CACNA1C: variants seen among roughly 807,000 people sequenced by gnomAD.
CACNA1C encodes calcium voltage-gated channel subunit alpha1 C.
Under a neutral mutation model 229.0 loss-of-function variants are expected in CACNA1C, and 30 were observed. The ratio of observed to expected loss-of-function variants is 0.13; its 90% confidence interval spans 0.10 to 0.18. The LOEUF (loss-of-function observed/expected upper bound fraction) is 0.18, where lower values mean the gene tolerates loss of function less well. Among genes scored for constraint, CACNA1C ranks in the 10% least tolerant of loss-of-function variants. The pLI is 1.00. For missense variants in CACNA1C, 1,658 were observed against 2,845.0 expected, an observed-to-expected ratio of 0.58 and a Z score of 9.49; for synonymous variants, 1,114 against 1,132.5, an observed-to-expected ratio of 0.98 and a Z score of 0.33.
chr12:2,461,587 C>T lies in CACNA1C; in HGVS notation c.757+3881C>T, dbSNP rs370344402. Reference sequence around the variant, plus strand: ...GACTTGTATCCCTACCTGCCGACTCCGTTCCTCTCCTGTCTGAATAGATAA... The same window carrying T: ...GACTTGTATCCCTACCTGCCGACTCTGTTCCTCTCCTGTCTGAATAGATAA... On this transcript the variant is annotated intron_variant, in intron 5 of 46. Coordinates refer to ENST00000399655, the MANE Select transcript of CACNA1C (RefSeq NM_000719.7). Among the ~76,000 whole-genome samples, 12 of 152,170 alleles carry T rather than the reference C, an allele frequency of 7.9e-5. No homozygotes were observed. The East Asian group carries it at 1.2e-3, about 15-fold the overall frequency.
chr12:2,666,636 A>G lies in CACNA1C; in HGVS notation c.4527-50A>G. 8.0e-7 allele frequency: 1 copy of G among 1,250,248 alleles called. No homozygotes were observed. Among genetic ancestry groups the G allele is most frequent in the East Asian group, 2.5e-5 (1 of 39,684 alleles). 77.4% of individuals were successfully genotyped at this position (1,250,248 alleles called of 1,614,324 possible). A position where few individuals can be genotyped will look rare whatever the true frequency, so the allele number is the denominator to read the frequency against. On this transcript the variant is annotated intron_variant, in intron 36 of 46. Coordinates refer to ENST00000399655, the MANE Select transcript of CACNA1C (RefSeq NM_000719.7). This position sits in a 1 kb window ranked among gnomAD's most constrained non-coding sequence, Gnocchi z 5.3. The stretch of plus-strand genomic sequence containing the variant: ...GGCGCATGCGTCCTGGGCTGCTGGC[A>G]GAGACCGTGGCTCTCTGATGCCCTG...
intron 3 of CACNA1C, among the ~76,000 whole-genome samples, chr12:2,273,113 C>T (rs1601676426): frequency 6.6e-6 from 1 of 152,254 alleles, no homozygotes; most frequent in East Asian, 1.9e-4. Context: ...CTCCCCAACC[C>T]CTTGGATACC....
At position 2,165,602 on chromosome 12, in the gene CACNA1C, C is replaced by T. The variant is rs112339784; in HGVS notation, c.477+45172C>T. Among the ~76,000 whole-genome samples the T allele has an allele frequency of 1.0e-3, 157 of 151,928 alleles. 1 individual carries two copies. The highest frequency in any genetic ancestry group is 3.6e-3 in the African/African-American group (148 of 41,184). On this transcript the variant is annotated intron_variant, in intron 3 of 46. Transcript: ENST00000399655. Reference sequence around the variant, plus strand: ...GAGTGGTAGATGGCGGGATGAACATCGCCCAGCTTTAGACAGTGAAACCTG... The same window carrying T: ...GAGTGGTAGATGGCGGGATGAACATTGCCCAGCTTTAGACAGTGAAACCTG...
At chr12:2,256,315 G>T (rs1167940729) in intron 3 of CACNA1C, among the ~76,000 whole-genome samples, 2 of 152,190 alleles carry the variant, frequency 1.3e-5, no homozygotes, top group African/African-American at 4.8e-5. Context: ...GTCACCTTGG[G>T]CACATTGGTG....
At chr12:2,135,079 T>C (rs1781605315) in intron 3 of CACNA1C, among the ~76,000 whole-genome samples, 1 of 147,690 alleles carries the variant, frequency 6.8e-6, no homozygotes, top group African/African-American at 2.6e-5. Flanking sequence ...GCTGACACCC[T>C]TTCTTCCAGT....
At chr12:2,210,263 G>C (rs2097879784) in intron 3 of CACNA1C, among the ~76,000 whole-genome samples, 1 of 152,198 alleles carries the variant, frequency 6.6e-6, no homozygotes, top group Admixed American at 6.5e-5. Flanking sequence ...AGTTTCATTA[G>C]GGTCACAGAC....
chr12:2,450,533 A>G (rs12227433), intron 4 of CACNA1C, among the ~76,000 whole-genome samples: 25,133 of 130,042 alleles, frequency 0.19, 3,829 homozygotes, highest in African/African-American at 0.42. Flanking sequence ...CAGCCTGGGC[A>G]ACAGAGCGAG....
intron 4 of CACNA1C, among the ~76,000 whole-genome samples, chr12:2,450,708 C>T (rs943161275): frequency 6.6e-6 from 1 of 152,098 alleles, no homozygotes; most frequent in Non-Finnish European, 1.5e-5. Context: ...AGTGAGTGCT[C>T]AAGTGGCTGC....
At chr12:2,139,140 C>T (rs1029132946) in intron 3 of CACNA1C, among the ~76,000 whole-genome samples, 1 of 151,114 alleles carries the variant, frequency 6.6e-6, no homozygotes, top group Non-Finnish European at 1.5e-5. Context: ...AGCATTGGTT[C>T]CTCTGGGCAC....
chr12:2,400,248 A>G (rs560741310), intron 3 of CACNA1C, among the ~76,000 whole-genome samples: 65 of 152,322 alleles, frequency 4.3e-4, no homozygotes, highest in African/African-American at 1.5e-3. Flanking sequence ...GTGGAGCTCT[A>G]GAAACCAGGT....
intron 20 of CACNA1C, chr12:2,596,356 G>C (rs1369469538): frequency 5.1e-6 from 1 of 194,668 alleles, no homozygotes; most frequent in Non-Finnish European, 1.0e-5. Flanking sequence ...ACCAGAAGGG[G>C]AGCATTGGCA....
chr12:2,185,926 T>C (rs995161061), intron 3 of CACNA1C, among the ~76,000 whole-genome samples: 1 of 152,194 alleles, frequency 6.6e-6, no homozygotes, highest in African/African-American at 2.4e-5. Context: ...TCTCTGTGGC[T>C]GTCCCGTGCC....
Position 2,679,203 on chromosome 12 carries a change from C to T in CACNA1C, c.5092-241C>T, listed in dbSNP as rs1358227878. On this transcript the variant is annotated intron_variant, in intron 41 of 46. Coordinates refer to ENST00000399655, the MANE Select transcript of CACNA1C (RefSeq NM_000719.7). This position sits in a 1 kb window ranked among gnomAD's most constrained non-coding sequence, Gnocchi z 5.5. ...TCCCATCCCCACTGGTGGGTGGGTT[C>T]TCCCAGCTGCTGCAGAGGGGAGTCC... 6.6e-6 allele frequency among the ~76,000 whole-genome samples: 1 copy of T among 152,220 alleles called. No individual in the cohort carries two copies. The highest frequency in any genetic ancestry group is 1.5e-5 in the Non-Finnish European group (1 of 68,028).
intron 7 of CACNA1C, among the ~76,000 whole-genome samples, chr12:2,501,230 A>AAAAAAAAAAAAAAAAAAAC (rs2099759379): frequency 6.6e-6 from 1 of 150,968 alleles, no homozygotes; most frequent in East Asian, 1.9e-4. Context: ...AAAAAAAAAA[A>AAAAAAAAAAAAAAAAAAAC]AAAAGTAAAG....
Position 2,685,748 on chromosome 12 carries a change from G to A in CACNA1C, c.5586G>A (p.Gln1862=). The A allele has an allele frequency of 1.2e-6, 2 of 1,613,530 alleles. No individual in the cohort carries two copies. Among genetic ancestry groups the A allele is most frequent in the Non-Finnish European group, 1.7e-6 (2 of 1,179,474 alleles). Residue 1862 remains glutamine, a synonymous_variant, in exon 44 of 47, where the codon CAG becomes CAA. Transcript: ENST00000399655. ...SLLSTEMLSY[Q]DDENRQLTLP... ...CTCTCTGTTCCAGGCTCTCCTACCA[G>A]GATGACGAAAATCGGCAACTGACGC...
chr12:2,190,465 G>C (rs909650184), intron 3 of CACNA1C, among the ~76,000 whole-genome samples: 1 of 152,096 alleles, frequency 6.6e-6, no homozygotes, highest in African/African-American at 2.4e-5. Flanking sequence ...TTTTTTCAGG[G>C]TATCGTAGAC....
At chr12:2,532,621 A>G (rs1599100465) in intron 9 of CACNA1C, among the ~76,000 whole-genome samples, 1 of 152,116 alleles carries the variant, frequency 6.6e-6, no homozygotes, top group Admixed American at 6.5e-5. Context: ...CACAGCCCAC[A>G]CTGCCCGACA....
intron 1 of CACNA1C, among the ~76,000 whole-genome samples, chr12:2,096,915 C>A (rs2074257036): frequency 6.6e-6 from 1 of 152,168 alleles, no homozygotes; most frequent in African/African-American, 2.4e-5. Flanking sequence ...GTATTGTATT[C>A]TTTTTAAGGC....
chr12:2,290,457 T>C (rs1223877009), intron 3 of CACNA1C, among the ~76,000 whole-genome samples: 1 of 152,116 alleles, frequency 6.6e-6, no homozygotes, highest in Non-Finnish European at 1.5e-5. Flanking sequence ...GGAGGATATG[T>C]ATAAGAATGA....
Sources: allele counts gnomAD v4.1 joint callset (sites outside exome capture counted in the v4.1 genomes callset), GRCh38; gene constraint gnomAD v4.1.1; non-coding constraint Gnocchi (gnomAD v3.1); transcripts MANE v1.5; gene names NCBI Gene and HGNC (gene_info 2026-07-23, HGNC 2026-07-21).